AFG1L: variants seen among roughly 807,000 people sequenced by gnomAD.
AFG1L encodes the protein AFG1 like ATPase.
In AFG1L, 53 loss-of-function variants were observed where a neutral mutation model predicts 62.2. That is an observed-to-expected ratio of 0.85 (90% CI 0.68 to 1.07). The LOEUF (loss-of-function observed/expected upper bound fraction) is 1.07, where lower values mean the gene tolerates loss of function less well. AFG1L is among the 50% of genes least tolerant of loss of function. The probability of loss-of-function intolerance (pLI) is 0.00; values close to 1 mark genes in which losing one functional copy is unlikely to be tolerated. For synonymous variants in AFG1L, 228 were observed against 210.3 expected (o/e 1.08, Z -0.73); for missense variants, 555 against 590.5 (o/e 0.94, Z 0.62).
At chr6:108,467,746 C>A (rs1183464862) in intron 8 of AFG1L, among the ~76,000 whole-genome samples, 1 of 152,008 alleles carries the variant, frequency 6.6e-6, no homozygotes, top group East Asian at 1.9e-4. Flanking sequence ...CTGAATATAA[C>A]CCTATGGTAG....
At chr6:108,385,700 A>G (rs1314587557) in intron 6 of AFG1L, among the ~76,000 whole-genome samples, 2 of 152,146 alleles carry the variant, frequency 1.3e-5, no homozygotes, top group Non-Finnish European at 2.9e-5. Context: ...TGGTCTCTGC[A>G]TGGAGGAGTG....
chr6:108,468,264 A>C (rs969421094), intron 8 of AFG1L, among the ~76,000 whole-genome samples: 3 of 152,180 alleles, frequency 2.0e-5, no homozygotes, highest in African/African-American at 7.2e-5. Flanking sequence ...GGTACATGGG[A>C]AATATATATT....
chr6:108,384,375 C>T (rs1225776292), intron 6 of AFG1L, among the ~76,000 whole-genome samples: 1 of 152,186 alleles, frequency 6.6e-6, no homozygotes, highest in Non-Finnish European at 1.5e-5. Context: ...CATGCATATG[C>T]AGGGCAGACT....
intron 1 of AFG1L, among the ~76,000 whole-genome samples, chr6:108,300,612 T>C (rs1327141242): frequency 1.3e-5 from 2 of 152,126 alleles, no homozygotes; most frequent in Admixed American, 6.6e-5. Flanking sequence ...GTTAAGAAAA[T>C]ATTTGTCTTT....
chr6:108,442,427 C>T (rs1291790790), intron 7 of AFG1L, among the ~76,000 whole-genome samples: 1 of 151,904 alleles, frequency 6.6e-6, no homozygotes. Flanking sequence ...GCTGTATTTT[C>T]CTCTGGTGGG....
intron 3 of AFG1L, among the ~76,000 whole-genome samples, chr6:108,351,829 A>G (rs987034169): frequency 3.3e-5 from 5 of 150,112 alleles, no homozygotes; most frequent in African/African-American, 1.2e-4. Context: ...ACCACCATCC[A>G]TTTTCAGAAC....
chr6:108,300,591 A>G (rs1776950287), intron 1 of AFG1L, among the ~76,000 whole-genome samples: 2 of 151,762 alleles, frequency 1.3e-5, no homozygotes. Flanking sequence ...TATTAGTAGT[A>G]CATATTACTA....
intron 7 of AFG1L, among the ~76,000 whole-genome samples, chr6:108,417,235 A>AAC (rs147614070): frequency 0.059 from 7,878 of 133,418 alleles, 703 homozygotes; most frequent in African/African-American, 0.2. Context: ...CATTGTCTTA[A>AAC]ACACACACAC....
rs148555441 is a variant in AFG1L at position 108,429,774 on chromosome 6, A to G, written c.808-17440A>G. Among the ~76,000 whole-genome samples the G allele has an allele frequency of 4.5e-3, 689 of 152,138 alleles. 7 individuals carry two copies. Among genetic ancestry groups the G allele is most frequent in the African/African-American group, 0.016 (650 of 41,486 alleles). On this transcript the variant is annotated intron_variant, in intron 7 of 12. Transcript: ENST00000368977. The stretch of plus-strand genomic sequence containing the variant: ...GCTATTAGGGCTCTTTCTTGATTCC[A>G]TATGAATTTAGGATTTTTTTTTCTA...
intron 11 of AFG1L, among the ~76,000 whole-genome samples, chr6:108,510,706 G>A (rs930626036): frequency 6.6e-5 from 10 of 152,152 alleles, no homozygotes; most frequent in Non-Finnish European, 1.3e-4. Flanking sequence ...CATCTATCAC[G>A]TTCTAAAACA....
chr6:108,449,159 GTATA>G (rs10603688), intron 8 of AFG1L, among the ~76,000 whole-genome samples: 2 of 145,830 alleles, frequency 1.4e-5, no homozygotes, highest in African/African-American at 2.5e-5. Context: ...AAAAAAAAAA[GTATA>G]TATATATATA....
intron 1 of AFG1L, among the ~76,000 whole-genome samples, chr6:108,303,712 G>A (rs996830193): frequency 1.3e-5 from 2 of 151,988 alleles, no homozygotes; most frequent in East Asian, 1.9e-4. Flanking sequence ...CTTTATAGTC[G>A]TTCCTCCATT....
intron 11 of AFG1L, among the ~76,000 whole-genome samples, chr6:108,513,158 C>A (rs1024474591): frequency 3.3e-5 from 5 of 152,184 alleles, no homozygotes; most frequent in Admixed American, 3.3e-4. Context: ...CAAATAGGGA[C>A]AGCTCCAGTC....
intron 1 of AFG1L, chr6:108,319,878 C>G (rs1777752971): frequency 3.1e-6 from 1 of 326,918 alleles, no homozygotes; most frequent in Admixed American, 3.3e-5. Flanking sequence ...TAACCCTTTT[C>G]TGCACATTAT....
chr6:108,429,031 T>C (rs1411244925), intron 7 of AFG1L, among the ~76,000 whole-genome samples: 1 of 152,220 alleles, frequency 6.6e-6, no homozygotes, highest in African/African-American at 2.4e-5. Context: ...TTTTCTAGGC[T>C]TTCTTCTAGA....
intron 2 of AFG1L, among the ~76,000 whole-genome samples, chr6:108,327,050 C>T (rs1173449239): frequency 2.0e-5 from 3 of 152,058 alleles, no homozygotes; most frequent in African/African-American, 7.2e-5. Flanking sequence ...AGTTTGAGAT[C>T]AGCCTGGACG....
At chr6:108,404,683 G>A (rs1370796994) in intron 7 of AFG1L, among the ~76,000 whole-genome samples, 3 of 151,730 alleles carry the variant, frequency 2.0e-5, no homozygotes, top group Admixed American at 6.6e-5. Flanking sequence ...CATATTTGGA[G>A]GCTATGTTAT....
chr6:108,505,282 T>G (rs937506142), intron 10 of AFG1L, among the ~76,000 whole-genome samples: 2 of 152,178 alleles, frequency 1.3e-5, no homozygotes, highest in African/African-American at 4.8e-5. Context: ...TTAGTAGAGA[T>G]GGGGTTTCAC....
At chr6:108,380,949 G>T (rs945988357) in intron 6 of AFG1L, among the ~76,000 whole-genome samples, 2 of 152,158 alleles carry the variant, frequency 1.3e-5, no homozygotes, top group East Asian at 3.9e-4. Context: ...ATTCTCCTCC[G>T]TGGGTTCTGG....
Sources: allele counts gnomAD v4.1 joint callset (sites outside exome capture counted in the v4.1 genomes callset), GRCh38; gene constraint gnomAD v4.1.1; transcripts MANE v1.5; gene names NCBI Gene and HGNC (gene_info 2026-07-23, HGNC 2026-07-21).